The following SLC16A1 variants were observed in gnomAD, a reference collection of about 807,000 sequenced individuals.
SLC16A1 encodes monocarboxylate transporter 1.
Under a neutral mutation model 32.2 loss-of-function variants are expected in SLC16A1, and 11 were observed. That is an observed-to-expected ratio of 0.34 (90% CI 0.21 to 0.56). The LOEUF (loss-of-function observed/expected upper bound fraction) is 0.56. Among genes scored for constraint, SLC16A1 ranks in the 20% least tolerant of loss-of-function variants. The pLI is 0.87. For missense variants in SLC16A1, 435 were observed against 615.0 expected (o/e 0.71, Z 3.10); for synonymous variants, 231 against 226.8 (o/e 1.02, Z -0.17).
In SLC16A1 at chr1:112,913,640, AAAGCT is replaced by A. The variant is rs1053489884; in HGVS notation, c.*246_*250del. ...TATTATAATCTTTATGACACTATTA[AAAGCT>A]AAGATTAAAACAAAACAAAACAGAA... On this transcript the variant is annotated 3_prime_UTR_variant, in exon 5 of 5. Transcript: ENST00000369626. The A allele has an allele frequency of 1.9e-6, 1 of 536,568 alleles. No individual in the cohort carries two copies. 33.2% of individuals were successfully genotyped at this position (536,568 alleles called of 1,614,324 possible). A position where few individuals can be genotyped will look rare whatever the true frequency, so the allele number is the denominator to read the frequency against.
chr1:112,946,460 A>G (rs1430113492), intron 1 of SLC16A1, among the ~76,000 whole-genome samples: 1 of 151,650 alleles, frequency 6.6e-6, no homozygotes, highest in Non-Finnish European at 1.5e-5. Context: ...AAAATATGAA[A>G]CCAGAAAAAA....
rs1271163206 is a variant in SLC16A1 at position 112,929,149 on chromosome 1, T to C, written c.160A>G (p.Thr54Ala). The C allele has an allele frequency of 6.2e-6, 10 of 1,614,100 alleles. No individual in the cohort carries two copies. The highest frequency in any genetic ancestry group is 8.5e-6 in the Non-Finnish European group (10 of 1,180,018). The change falls in exon 2 of 5, where the codon ACC becomes GCC. Residue 54 changes from threonine to alanine, a missense_variant. Thr to Ala is a moderately conservative substitution (Grantham distance 58). This residue lies in a region of SLC16A1 where 324 missense variants were observed against 500.3 expected (regional missense o/e 0.65). Coordinates refer to ENST00000369626, the MANE Select transcript of SLC16A1 (RefSeq NM_003051.4). ...GATATCCATGACACTTCGCTGGTGG[T>C]GGCATGGAATATACCTTCAATCTCT... ...FKEIEGIFHATTSEVSWISSI... is the reference protein window; with the variant it reads ...FKEIEGIFHAATSEVSWISSI...
At chr1:112,937,583 T>C in intron 1 of SLC16A1, among the ~76,000 whole-genome samples, 1 of 152,184 alleles carries the variant, frequency 6.6e-6, no homozygotes, top group East Asian at 1.9e-4. Context: ...TTTCCTTTTT[T>C]AACTGGCAAA....
In SLC16A1 at chr1:112,933,558, G is replaced by A. The variant is rs76111993; in HGVS notation, c.-44-4206C>T. Among the ~76,000 whole-genome samples, 816 of 149,328 alleles carry A rather than the reference G, an allele frequency of 5.5e-3. 4 individuals are homozygous for A. The highest frequency in any genetic ancestry group is 7.8e-3 in the Non-Finnish European group (528 of 67,352). ...AGAACATAAAAAGAACTTGCACAAC[G>A]ATAGCAAAAAGGCAAATCACCCAGC... On this transcript the variant is annotated intron_variant, in intron 1 of 4. Coordinates refer to ENST00000369626, the MANE Select transcript of SLC16A1 (RefSeq NM_003051.4).
intron 2 of SLC16A1, among the ~76,000 whole-genome samples, chr1:112,925,777 TATTTCTAAAAACACATATTGA>T (rs1400872541): frequency 5.3e-5 from 8 of 152,238 alleles, no homozygotes; most frequent in African/African-American, 1.7e-4. Flanking sequence ...ACATAGAGTC[TATTTCTAAAAACACATATTGA>T]ATGTACATAT....
chr1:112,938,138 G>A (rs1649372920), intron 1 of SLC16A1, among the ~76,000 whole-genome samples: 1 of 152,136 alleles, frequency 6.6e-6, no homozygotes, highest in South Asian at 2.1e-4. Flanking sequence ...TTCCTAAAAT[G>A]ACAATGACCA....
At chr1:112,937,875 G>A (rs905183798) in intron 1 of SLC16A1, among the ~76,000 whole-genome samples, 9 of 152,158 alleles carry the variant, frequency 5.9e-5, no homozygotes, top group Non-Finnish European at 4.4e-5. Context: ...TCTAAAGGAT[G>A]ATAGAAAACA....
intron 2 of SLC16A1, among the ~76,000 whole-genome samples, chr1:112,928,557 T>TA (rs1395471296): frequency 6.6e-6 from 1 of 152,120 alleles, no homozygotes; most frequent in Non-Finnish European, 1.5e-5. Context: ...AAAAGAGAAA[T>TA]AAATGGTAAA....
At chr1:112,935,931 CCCTT>C (rs1162029049) in intron 1 of SLC16A1, 7 of 152,176 alleles carry the variant, frequency 4.6e-5, no homozygotes, top group African/African-American at 1.7e-4. Flanking sequence ...CTCTTACTCT[CCCTT>C]CTATGTTGTC....
intron 3 of SLC16A1, 110 bp from the exon 4 acceptor site, chr1:112,918,154 G>A (rs917787878): frequency 4.7e-6 from 4 of 851,272 alleles, no homozygotes; most frequent in Non-Finnish European, 6.0e-6. Context: ...CATTATTAGA[G>A]GACATGTTAT....
intron 1 of SLC16A1, among the ~76,000 whole-genome samples, chr1:112,933,353 G>A (rs1649199679): frequency 6.6e-6 from 1 of 151,632 alleles, no homozygotes; most frequent in African/African-American, 2.4e-5. Context: ...TCGGGAGGCT[G>A]AGGCAAGAGA....
intron 1 of SLC16A1, among the ~76,000 whole-genome samples, chr1:112,938,557 A>G (rs1043022035): frequency 1.3e-5 from 2 of 152,236 alleles, no homozygotes; most frequent in Admixed American, 6.5e-5. Context: ...ATCAAACTGC[A>G]TATAAAGAAT....
intron 4 of SLC16A1, among the ~76,000 whole-genome samples, chr1:112,916,171 CT>C (rs11299751): frequency 0.82 from 98,109 of 119,632 alleles, 39,017 homozygotes; most frequent in East Asian, 0.92. Flanking sequence ...CTGAAATAAA[CT>C]TTTTTTTTTT....
intron 1 of SLC16A1, among the ~76,000 whole-genome samples, chr1:112,931,771 A>T (rs1306118497): frequency 1.3e-5 from 2 of 152,106 alleles, no homozygotes; most frequent in Admixed American, 1.3e-4. Context: ...ACATTTTCTA[A>T]TAAGATTTTA....
rs1208449212 is a variant in SLC16A1 at position 112,911,970 on chromosome 1, TGGGTCCAAAGAAAATTACA to T, written c.*1902_*1920del. 1 of 152,242 alleles carries T rather than the reference TGGGTCCAAAGAAAATTACA, an allele frequency of 6.6e-6. No homozygotes were observed. Among genetic ancestry groups the T allele is most frequent in the Non-Finnish European group, 1.5e-5 (1 of 68,046 alleles). The allele number at this position is 152,242 out of a possible 1,614,324, so 9.4% of individuals were successfully genotyped here. On this transcript the variant is annotated 3_prime_UTR_variant, in exon 5 of 5. Transcript: ENST00000369626. ...AAGAAGTACGCAGAGGTTACAGACT[TGGGTCCAAAGAAAATTACA>T]GAGTCCAAACTGAGGCCAAGCCTGC... is the stretch of plus-strand genomic sequence containing the variant.
intron 3 of SLC16A1, among the ~76,000 whole-genome samples, chr1:112,921,460 C>T (rs1244012125): frequency 6.6e-6 from 1 of 152,134 alleles, no homozygotes; most frequent in East Asian, 1.9e-4. Flanking sequence ...ATAATTTGAT[C>T]CTTTTTTGCT....
intron 1 of SLC16A1, among the ~76,000 whole-genome samples, chr1:112,943,534 T>TCC (rs1343897496): frequency 7.9e-5 from 12 of 152,162 alleles, no homozygotes; most frequent in Non-Finnish European, 1.5e-5. Context: ...ACGCCTGTAA[T>TCC]CCCAGCACTT....
At chr1:112,938,274 C>A (rs545087142) in intron 1 of SLC16A1, among the ~76,000 whole-genome samples, 28 of 152,282 alleles carry the variant, frequency 1.8e-4, no homozygotes, top group African/African-American at 6.5e-4. Context: ...AGGCTGATTT[C>A]CTGAAGCTAT....
At chr1:112,923,401 G>A (rs113726551) in intron 2 of SLC16A1, 24 of 628,798 alleles carry the variant, frequency 3.8e-5, no homozygotes, top group South Asian at 6.8e-5. Flanking sequence ...CCGGGCTGTC[G>A]CAGTCTCCTG....
Sources: gnomAD v4.1 joint callset for allele counts (sites outside exome capture counted in the v4.1 genomes callset) on GRCh38, gnomAD v4.1.1 for gene constraint, gnomAD v4.1.1 regional missense constraint, MANE v1.5 for transcripts, NCBI Gene and HGNC (gene_info 2026-07-23, HGNC 2026-07-21) for gene names.